Variants in KIF26B observed in about 807,000 individuals in gnomAD.
KIF26B encodes kinesin-like protein KIF26B.
KIF26B carries 63 observed loss-of-function variants against 151.2 expected under a neutral mutation model. That is an observed-to-expected ratio of 0.42 (90% CI 0.34 to 0.51). The LOEUF (loss-of-function observed/expected upper bound fraction) is 0.51, where lower values mean the gene tolerates loss of function less well. Among genes scored for constraint, KIF26B ranks in the 20% least tolerant of loss-of-function variants. The probability of loss-of-function intolerance (pLI) is 0.07; values close to 1 mark genes in which losing one functional copy is unlikely to be tolerated. For missense variants in KIF26B, 2,813 were observed against 2,913.6 expected (o/e 0.97, Z 0.79); for synonymous variants, 1,357 against 1,262.1 (o/e 1.08, Z -1.59).
intron 5 of KIF26B, among the ~76,000 whole-genome samples, chr1:245,590,818 G>T (rs2043279993): frequency 6.6e-6 from 1 of 151,526 alleles, no homozygotes; most frequent in African/African-American, 2.4e-5. Context: ...TGAAGTGGGA[G>T]GATCACTTGA....
intron 4 of KIF26B, among the ~76,000 whole-genome samples, chr1:245,539,904 C>T (rs567199923): frequency 2.0e-5 from 3 of 152,254 alleles, no homozygotes; most frequent in South Asian, 4.2e-4. Context: ...CTGCCTGCCT[C>T]GGCCTCCCAA....
intron 5 of KIF26B, among the ~76,000 whole-genome samples, chr1:245,586,158 A>AGTGTGTGTGTGTGTGT (rs10526699): frequency 1.4e-5 from 2 of 142,196 alleles, no homozygotes; most frequent in Admixed American, 7.1e-5. Flanking sequence ...CACCATGACC[A>AGTGTGTGTGTGTGTGT]GTGTGTGTGT....
At chr1:245,289,390 G>A (rs974000888) in intron 2 of KIF26B, among the ~76,000 whole-genome samples, 7 of 152,140 alleles carry the variant, frequency 4.6e-5, no homozygotes, top group African/African-American at 1.7e-4. Context: ...CTCGGCAAGT[G>A]TATGGACTTG....
chr1:245,576,415 G>C (rs1272329822), intron 5 of KIF26B, among the ~76,000 whole-genome samples: 2 of 152,156 alleles, frequency 1.3e-5, no homozygotes, highest in Non-Finnish European at 2.9e-5. Context: ...GAGGTGTAGT[G>C]AATTTTTCAG....
At chr1:245,383,270 G>A (rs1673459163) in intron 3 of KIF26B, among the ~76,000 whole-genome samples, 2 of 151,752 alleles carry the variant, frequency 1.3e-5, no homozygotes, top group South Asian at 2.1e-4. Flanking sequence ...GTCTGAACAC[G>A]GTATCCCTGA....
chr1:245,683,373 G>C (rs937970987), intron 10 of KIF26B, among the ~76,000 whole-genome samples: 51 of 152,214 alleles, frequency 3.4e-4, no homozygotes, highest in African/African-American at 1.1e-3. Flanking sequence ...CAGCAGTTGA[G>C]AGTATGAGTG....
intron 2 of KIF26B, among the ~76,000 whole-genome samples, chr1:245,330,889 G>A (rs1422632266): frequency 1.3e-5 from 2 of 151,604 alleles, no homozygotes; most frequent in Non-Finnish European, 2.9e-5. Context: ...GATTTCAAAT[G>A]AAGTGCTTTT....
intron 4 of KIF26B, among the ~76,000 whole-genome samples, chr1:245,507,542 G>A (rs1361749484): frequency 6.6e-6 from 1 of 152,190 alleles, no homozygotes; most frequent in Non-Finnish European, 1.5e-5. Context: ...GCAGCATTCT[G>A]TGGCTTTCTT....
chr1:245,314,933 C>G (rs1459211922), intron 2 of KIF26B, among the ~76,000 whole-genome samples: 1 of 152,206 alleles, frequency 6.6e-6, no homozygotes, highest in South Asian at 2.1e-4. Flanking sequence ...GTAATCCCAG[C>G]ACTTTGGGAG....
In KIF26B at chr1:245,394,684, C is replaced by CTTTTTTTTTTT. The variant is rs1444711983; in HGVS notation, c.1000-24892_1000-24891insTTTTTTTTTTT. Reference sequence around the variant, plus strand: ...TTAAAAAGTACCTTCAAGTTTTTTTCTTTCTTTTTTTTTTTTTTTTTTTGA... The same window carrying CTTTTTTTTTTT: ...TTAAAAAGTACCTTCAAGTTTTTTTCTTTTTTTTTTTTTTCTTTTTTTTTTTTTTTTTTTGA... On this transcript the variant is annotated intron_variant, in intron 3 of 14. Coordinates refer to ENST00000407071, the MANE Select transcript of KIF26B (RefSeq NM_018012.4). 4.8e-4 allele frequency among the ~76,000 whole-genome samples: 60 copies of CTTTTTTTTTTT among 124,400 alleles called. 1 individual carries two copies. Among genetic ancestry groups the CTTTTTTTTTTT allele is most frequent in the Non-Finnish European group, 5.4e-4 (35 of 64,634 alleles). 81.6% of individuals were successfully genotyped at this position (124,400 alleles called of 152,430 possible).
intron 2 of KIF26B, among the ~76,000 whole-genome samples, chr1:245,316,420 G>A (rs1336388453): frequency 1.3e-5 from 2 of 152,048 alleles, no homozygotes; most frequent in Non-Finnish European, 2.9e-5. Context: ...CACCGCGTCC[G>A]GCCCCTGGGT....
intron 4 of KIF26B, among the ~76,000 whole-genome samples, chr1:245,492,547 T>C (rs1660429614): frequency 6.6e-6 from 1 of 152,220 alleles, no homozygotes; most frequent in African/African-American, 2.4e-5. Context: ...ATGATATTTT[T>C]AAAAGAAAAA....
In KIF26B at chr1:245,227,644, C is replaced by T. The variant is rs75847920; in HGVS notation, c.465+70961C>T. On this transcript the variant is annotated intron_variant, in intron 2 of 14. Coordinates refer to ENST00000407071, the MANE Select transcript of KIF26B (RefSeq NM_018012.4). The surrounding 1 kb of genome is among the most constrained non-coding windows in gnomAD (Gnocchi z 4.1). ...GTATTAGACTCACTGTTTCCTGAGC[C>T]ACTAAATGTATCAGACTGTTATATT... 0.022 allele frequency among the ~76,000 whole-genome samples: 3,416 copies of T among 152,262 alleles called. 104 individuals are homozygous for T. The highest frequency in any genetic ancestry group is 0.077 in the African/African-American group (3,197 of 41,522).
At chr1:245,487,484 T>C (rs1024711450) in intron 4 of KIF26B, among the ~76,000 whole-genome samples, 1 of 152,188 alleles carries the variant, frequency 6.6e-6, no homozygotes, top group South Asian at 2.1e-4. Flanking sequence ...ACAGTGTGCC[T>C]TCAGGGTCTG....
chr1:245,529,625 A>AACTTGGCTCAGCAAACATTCGTAGTT (rs1362674963), intron 4 of KIF26B, among the ~76,000 whole-genome samples: 7 of 152,284 alleles, frequency 4.6e-5, no homozygotes, highest in Non-Finnish European at 8.8e-5. Context: ...TCACACAGGG[A>AACTTGGCTCAGCAAACATTCGTAGTT]ACTTGGCTCA....
intron 4 of KIF26B, among the ~76,000 whole-genome samples, chr1:245,493,965 C>T (rs1483146168): frequency 6.6e-6 from 1 of 152,018 alleles, no homozygotes; most frequent in Non-Finnish European, 1.5e-5. Context: ...AGCAAAAAAA[C>T]CATTTTTAGT....
intron 3 of KIF26B, among the ~76,000 whole-genome samples, chr1:245,417,124 G>A (rs1487766133): frequency 6.6e-6 from 1 of 152,120 alleles, no homozygotes; most frequent in Non-Finnish European, 1.5e-5. Context: ...AGCAGGAAAG[G>A]CAGCGTGACT....
At chr1:245,176,142 T>G (rs866351283) in intron 2 of KIF26B, among the ~76,000 whole-genome samples, 2 of 151,828 alleles carry the variant, frequency 1.3e-5, no homozygotes, top group Non-Finnish European at 2.9e-5. Flanking sequence ...TGGGATTACA[T>G]GCATGAGTCA....
At chr1:245,529,323 A>G (rs73135617) in intron 4 of KIF26B, among the ~76,000 whole-genome samples, 3,521 of 152,276 alleles carry the variant, frequency 0.023, 144 homozygotes, top group African/African-American at 0.081. Context: ...TATTCATTGC[A>G]GCAGCTTCAC....
Sources: gnomAD v4.1 joint callset for allele counts (sites outside exome capture counted in the v4.1 genomes callset) on GRCh38, gnomAD v4.1.1 for gene constraint, Gnocchi (gnomAD v3.1) non-coding constraint, MANE v1.5 for transcripts, NCBI Gene and HGNC (gene_info 2026-07-23, HGNC 2026-07-21) for gene names.